Variants in FMN1 observed in about 807,000 individuals in gnomAD.
FMN1 encodes the protein formin-1.
A neutral mutation model predicts 132.4 loss-of-function variants in FMN1; 110 were observed. The observed-to-expected ratio is 0.83, with a 90% confidence interval of 0.71 to 0.97. The LOEUF (loss-of-function observed/expected upper bound fraction) is 0.97. FMN1 is among the 50% of genes least tolerant of loss of function. The probability of loss-of-function intolerance (pLI) is 0.00; values close to 1 mark genes in which losing one functional copy is unlikely to be tolerated. For missense variants in FMN1, 1,792 were observed against 1,705.3 expected, an observed-to-expected ratio of 1.05 and a Z score of -0.90; for synonymous variants, 722 against 651.7, an observed-to-expected ratio of 1.11 and a Z score of -1.64.
At chr15:33,081,148 G>A (rs1339879205) in intron 5 of FMN1, among the ~76,000 whole-genome samples, 1 of 152,176 alleles carries the variant, frequency 6.6e-6, no homozygotes, top group African/African-American at 2.4e-5. Flanking sequence ...GAAACTTGAA[G>A]TGGTTCCATT....
intron 4 of FMN1, among the ~76,000 whole-genome samples, chr15:33,094,893 G>A (rs2039024436): frequency 6.6e-6 from 1 of 152,156 alleles, no homozygotes; most frequent in South Asian, 2.1e-4. Flanking sequence ...ACCTAGGTAA[G>A]TCCTGATGCA....
chr15:32,903,178 T>TA (rs11435608), intron 12 of FMN1, among the ~76,000 whole-genome samples: 2,862 of 152,304 alleles, frequency 0.019, 94 homozygotes, highest in East Asian at 0.12. Flanking sequence ...AATCTTTTTT[T>TA]AGATGACATT....
chr15:32,848,340 G>A (rs552845440), intron 17 of FMN1, among the ~76,000 whole-genome samples: 1 of 101,086 alleles, frequency 9.9e-6, no homozygotes, highest in East Asian at 2.4e-4. Flanking sequence ...GTGTGCACGT[G>A]TGTGTGCGTG....
intron 19 of FMN1, among the ~76,000 whole-genome samples, chr15:32,794,509 T>C (rs1392070210): frequency 6.6e-6 from 1 of 151,886 alleles, no homozygotes; most frequent in East Asian, 1.9e-4. Flanking sequence ...TCTTAGGATA[T>C]CCTAAATGGT....
At chr15:33,057,471 T>C (rs568823100) in intron 6 of FMN1, among the ~76,000 whole-genome samples, 23 of 152,338 alleles carry the variant, frequency 1.5e-4, no homozygotes, top group African/African-American at 5.1e-4. Context: ...GTCTTATCTC[T>C]ACAATAATTG....
At chr15:32,982,961 A>C in intron 7 of FMN1, among the ~76,000 whole-genome samples, 2 of 152,292 alleles carry the variant, frequency 1.3e-5, no homozygotes, top group Admixed American at 1.3e-4. Flanking sequence ...AATTCTTCAT[A>C]ATAAATCTCT....
intron 15 of FMN1, among the ~76,000 whole-genome samples, chr15:32,892,044 CCTTT>C (rs926211255): frequency 2.0e-5 from 3 of 151,966 alleles, no homozygotes; most frequent in South Asian, 2.1e-4. Flanking sequence ...GGATGCCCTT[CCTTT>C]CTTTCTCTTG....
intron 19 of FMN1, among the ~76,000 whole-genome samples, chr15:32,796,404 AG>A (rs1263634284): frequency 6.6e-6 from 1 of 152,204 alleles, no homozygotes; most frequent in East Asian, 1.9e-4. Flanking sequence ...ATCCCAAACT[AG>A]TTTTTTTCTT....
chr15:32,870,430 T>C (rs566581599), intron 16 of FMN1, among the ~76,000 whole-genome samples: 4 of 152,334 alleles, frequency 2.6e-5, no homozygotes, highest in African/African-American at 9.6e-5. Flanking sequence ...AAATTCACCT[T>C]AATGTACCAT....
At chr15:32,923,443 T>C (rs1168122120) in intron 10 of FMN1, among the ~76,000 whole-genome samples, 1 of 152,198 alleles carries the variant, frequency 6.6e-6, no homozygotes, top group Non-Finnish European at 1.5e-5. Context: ...GCCATATTCA[T>C]CTGGAATGCA....
At chr15:32,819,903 T>C (rs1301407449) in intron 17 of FMN1, among the ~76,000 whole-genome samples, 1 of 152,200 alleles carries the variant, frequency 6.6e-6, no homozygotes, top group Non-Finnish European at 1.5e-5. Context: ...ATGTATTACC[T>C]ACCATTTTTC....
At chr15:32,998,375 A>G (rs1197966950) in intron 7 of FMN1, among the ~76,000 whole-genome samples, 1 of 152,194 alleles carries the variant, frequency 6.6e-6, no homozygotes. Flanking sequence ...AAAATCTCCT[A>G]GGACTTTGGA....
At chr15:33,137,432 A>G (rs2140242224) in intron 4 of FMN1, among the ~76,000 whole-genome samples, 1 of 152,308 alleles carries the variant, frequency 6.6e-6, no homozygotes, top group African/African-American at 2.4e-5. Context: ...GGGTAGCTAT[A>G]TATATTTCTA....
At chr15:32,892,104 T>C (rs1256752539) in intron 15 of FMN1, among the ~76,000 whole-genome samples, 1 of 152,168 alleles carries the variant, frequency 6.6e-6, no homozygotes. Context: ...TGAAGAGGAG[T>C]GGCGAGAGTG....
At chr15:33,181,973 G>T (rs1390588020) in intron 2 of FMN1, among the ~76,000 whole-genome samples, 1 of 152,010 alleles carries the variant, frequency 6.6e-6, no homozygotes. Context: ...GCCTCCCAAA[G>T]TGCTGGGATT....
At chr15:33,047,195 G>A (rs1396140874) in intron 6 of FMN1, among the ~76,000 whole-genome samples, 1 of 152,130 alleles carries the variant, frequency 6.6e-6, no homozygotes, top group Non-Finnish European at 1.5e-5. Context: ...CCCCCACCAT[G>A]AGCATCTTCT....
At chr15:33,017,622 G>GT (rs1295254887) in intron 6 of FMN1, among the ~76,000 whole-genome samples, 3 of 152,196 alleles carry the variant, frequency 2.0e-5, no homozygotes, top group East Asian at 1.9e-4. Context: ...TTTAGGAATT[G>GT]TAACTGTCAA....
At chr15:33,122,313 T>C (rs1962641802) in intron 4 of FMN1, among the ~76,000 whole-genome samples, 1 of 152,240 alleles carries the variant, frequency 6.6e-6, no homozygotes, top group Non-Finnish European at 1.5e-5. Context: ...CAAATTCAAG[T>C]AACCATGTAA....
intron 4 of FMN1, among the ~76,000 whole-genome samples, chr15:33,119,131 C>T (rs528670586): frequency 1.3e-5 from 2 of 152,280 alleles, no homozygotes; most frequent in East Asian, 3.9e-4. Flanking sequence ...AAGCTAAAAA[C>T]ACTAAGTAGA....
Sources: gnomAD v4.1 joint callset for allele counts (sites outside exome capture counted in the v4.1 genomes callset) on GRCh38, gnomAD v4.1.1 for gene constraint, MANE v1.5 for transcripts, NCBI Gene and HGNC (gene_info 2026-07-23, HGNC 2026-07-21) for gene names.